The following PODNL1 variants were observed in gnomAD, a reference collection of about 807,000 sequenced individuals.
PODNL1 encodes podocan-like protein 1.
PODNL1 carries 50 observed loss-of-function variants against 45.1 expected under a neutral mutation model. The ratio of observed to expected loss-of-function variants is 1.11; its 90% CI spans 0.88 to 1.40. The LOEUF is 1.40. Among genes scored for constraint, PODNL1 ranks in the 40% most tolerant of loss-of-function variants. The probability of loss-of-function intolerance (pLI) is 0.00; values close to 1 mark genes in which losing one functional copy is unlikely to be tolerated. For missense variants in PODNL1, 788 were observed against 793.3 expected (o/e 0.99, Z 0.08); for synonymous variants, 406 against 372.5 (o/e 1.09, Z -1.04).
At chr19:13,935,542 G>T (rs1803156568) in intron 5 of PODNL1, among the ~76,000 whole-genome samples, 179 bp downstream of exon 5, 1 of 152,086 alleles carries the variant, frequency 6.6e-6, no homozygotes, top group Admixed American at 6.6e-5. Context: ...GGCCAGGCTG[G>T]TCTCGAACTC....
chr19:13,951,355 GC>G (rs1421308174), intron 1 of PODNL1, among the ~76,000 whole-genome samples: 1 of 152,096 alleles, frequency 6.6e-6, no homozygotes, highest in African/African-American at 2.4e-5. Flanking sequence ...AAATGGGCTG[GC>G]CAGGGGTGGG....
chr19:13,944,459 G>C (rs1253356495), intron 1 of PODNL1, among the ~76,000 whole-genome samples: 2 of 148,626 alleles, frequency 1.3e-5, no homozygotes, highest in Admixed American at 6.7e-5. Context: ...CACCACACCT[G>C]GCCCTATTTG....
intron 4 of PODNL1, 74 bp downstream of exon 4, chr19:13,935,906 C>T: frequency 6.5e-7 from 1 of 1,543,076 alleles, no homozygotes; most frequent in Admixed American, 2.0e-5. Flanking sequence ...GAGCTGTCCC[C>T]TCCACACCCT....
At position 13,931,981 on chromosome 19, in the gene PODNL1, C is replaced by T. The variant is rs1032109626; in HGVS notation, c.1557G>A (p.Leu519=). Residue 519 remains leucine (L), a synonymous_variant, in exon 9 of 10, where the codon CTG becomes CTA. Coordinates refer to ENST00000588872, the MANE Select transcript of PODNL1 (RefSeq NM_001370095.3). ...GPEAFLSTPR[L]RALFLRANRL... ...CGGGGCACCTGAGGAAGAGGGCACG[C>T]AGGCGGGGTGTGCTGAGGAAGGCCT... is the stretch of plus-strand genomic sequence containing the variant. 1.6e-6 allele frequency: 2 copies of T among 1,232,358 alleles called. No individual in the cohort carries two copies. Among genetic ancestry groups the T allele is most frequent in the Non-Finnish European group, 2.0e-6 (2 of 988,110 alleles). 76.3% of individuals were successfully genotyped at this position (1,232,358 alleles called of 1,614,324 possible). A position where few individuals can be genotyped will look rare whatever the true frequency, so the allele number is the denominator to read the frequency against.
chr19:13,936,647 C>A (rs1972376752), intron 2 of PODNL1, among the ~76,000 whole-genome samples, 187 bp from the exon 3 acceptor site: 1 of 148,706 alleles, frequency 6.7e-6, no homozygotes, highest in South Asian at 2.2e-4. Flanking sequence ...CAAACCCCCA[C>A]AATCGACCCC....
At position 13,933,945 on chromosome 19, in the gene PODNL1, G is replaced by T. The variant is rs370415275; in HGVS notation, c.700C>A (p.Gln234Lys). Residue 234 changes from glutamine (Q) to lysine (K), a missense_variant, in exon 7 of 10, where the codon CAA becomes AAA. This residue lies in a region of PODNL1 where 762 missense variants were observed against 750.9 expected (regional missense o/e 1.01). Coordinates refer to ENST00000588872, the MANE Select transcript of PODNL1 (RefSeq NM_001370095.3). The surrounding 1 kb of genome is among the most constrained non-coding windows in gnomAD (Gnocchi z 5.2). ...VPRGALSRQT[Q>K]LRELYLQHNQ... The stretch of plus-strand genomic sequence containing the variant: ...TGCTGGAGGTAGAGCTCACGGAGTT[G>T]AGTCTGGCGGCTCAGGGCTCCTCGG... The T allele has an allele frequency of 2.5e-6, 4 of 1,612,540 alleles. No homozygotes were observed. In the African/African-American group the frequency reaches 4.0e-5, roughly 16 times the overall value.
At position 13,932,859 on chromosome 19, in the gene PODNL1, T is replaced by C. The variant is rs778288059; in HGVS notation, c.1364A>G (p.His455Arg). ...LDQLRELSLA[H>R]NRLRVGDIGP... ...GATGTCGCCGACCCGGAGCCGGTTGTGCGCCAGGCTGAGCTCCCGCAGTTG... is the reference window on the plus strand; with the variant it reads ...GATGTCGCCGACCCGGAGCCGGTTGCGCGCCAGGCTGAGCTCCCGCAGTTG... The change falls in exon 8 of 10, where the codon CAC becomes CGC. Residue 455 changes from histidine to arginine, a missense_variant. His to Arg is a conservative substitution (Grantham distance 29). Around this residue, in one of 3 missense-constraint regions of PODNL1, gnomAD observed 762 missense variants for 750.9 expected, o/e 1.01. Transcript: ENST00000588872. 3 of 1,611,236 alleles carry C rather than the reference T, an allele frequency of 1.9e-6. No individual in the cohort carries two copies. The highest frequency in any genetic ancestry group is 2.5e-6 in the Non-Finnish European group (3 of 1,179,290).
chr19:13,933,650 T>C lies in PODNL1; in HGVS notation c.768-195A>G, dbSNP rs886676755. 6.6e-6 allele frequency among the ~76,000 whole-genome samples: 1 copy of C among 151,914 alleles called. No individual in the cohort carries two copies. The highest frequency in any genetic ancestry group is 1.5e-5 in the Non-Finnish European group (1 of 67,996). ...CAGATTCCAGCCTGAGAGTTAGCTA[T>C]GGGGGTGACCAGGGTAGAGCCGAGA... On this transcript the variant is annotated intron_variant, in intron 7 of 9. Coordinates refer to ENST00000588872, the MANE Select transcript of PODNL1 (RefSeq NM_001370095.3). This position sits in a 1 kb window ranked among gnomAD's most constrained non-coding sequence, Gnocchi z 5.2.
chr19:13,934,372 C>T lies in PODNL1; in HGVS notation c.533G>A (p.Gly178Asp). The T allele has an allele frequency of 6.4e-7, 1 of 1,552,824 alleles. No individual in the cohort carries two copies. Among genetic ancestry groups the T allele is most frequent in the South Asian group, 1.2e-5 (1 of 82,086 alleles). ...GCCGCGGAAGGCGTCGGGGGGCAGG[C>T]CAGCGTTGCTCAGCTGGTTGTTGTG... ...YLHNNQLSNAGLPPDAFRGSE... is the reference protein window; with the variant it reads ...YLHNNQLSNADLPPDAFRGSE... Residue 178 changes from glycine to aspartate, a missense_variant, in exon 6 of 10, where the codon GGC (glycine) becomes GAC (aspartate). By Grantham distance (94) the Gly-to-Asp change is moderately conservative (BLOSUM62 -1). This residue lies in a region of PODNL1 where 762 missense variants were observed against 750.9 expected (regional missense o/e 1.01). Transcript: ENST00000588872.
chr19:13,952,848 G>C (rs1447318566), intron 1 of PODNL1, among the ~76,000 whole-genome samples: 1 of 145,832 alleles, frequency 6.9e-6, no homozygotes, highest in Non-Finnish European at 1.5e-5. Context: ...AGGTGGTTGT[G>C]TCGGGTGACC....
Position 13,934,392 on chromosome 19 carries a change from G to T in PODNL1, c.513C>A (p.Asn171Lys). Residue 171 changes from asparagine to lysine, a missense_variant, in exon 6 of 10, where the codon AAC becomes AAA. Around this residue, in one of 3 missense-constraint regions of PODNL1, gnomAD observed 762 missense variants for 750.9 expected, o/e 1.01. Coordinates refer to ENST00000588872, the MANE Select transcript of PODNL1 (RefSeq NM_001370095.3). Reference protein sequence around the residue: ...KPALRSVYLHNNQLSNAGLPP... With the variant: ...KPALRSVYLHKNQLSNAGLPP... ...GCAGGCCAGCGTTGCTCAGCTGGTT[G>T]TTGTGGAGGTACACGGACCTGAGGA... 6.5e-7 allele frequency: 1 copy of T among 1,544,668 alleles called. No homozygotes were observed. The highest frequency in any genetic ancestry group is 1.2e-5 in the South Asian group (1 of 81,456).
rs552493557 is a variant in PODNL1, at chr19:13,934,530, C to T, written c.495-120G>A. The stretch of plus-strand genomic sequence containing the variant: ...GTGTGTGTGTGTGTGTGTGTGTGCG[C>T]GCGCATGTGTGGAGTCTGTGTGGGA... On this transcript the variant is annotated intron_variant, in intron 5 of 9. Coordinates refer to ENST00000588872, the MANE Select transcript of PODNL1 (RefSeq NM_001370095.3). 5.1e-3 allele frequency: 4,287 copies of T among 842,098 alleles called. 15 individuals carry two copies. Among genetic ancestry groups the T allele is most frequent in the Non-Finnish European group, 6.4e-3 (3,756 of 590,580 alleles). The allele number at this position is 842,098 out of a possible 1,614,324, so 52.2% of individuals were successfully genotyped here. A position where few individuals can be genotyped will look rare whatever the true frequency, so the allele number is the denominator to read the frequency against.
chr19:13,936,138 G>A, intron 3 of PODNL1, 94 bp from the exon 4 acceptor site: 4 of 1,195,274 alleles, frequency 3.3e-6, no homozygotes, highest in Non-Finnish European at 4.8e-6. Context: ...CTCGGCCGGG[G>A]AACTGGCAGA....
At chr19:13,948,286 T>C (rs1294328410) in intron 1 of PODNL1, among the ~76,000 whole-genome samples, 1 of 151,046 alleles carries the variant, frequency 6.6e-6, no homozygotes, top group South Asian at 2.1e-4. Flanking sequence ...GCAAGCTCTC[T>C]GCCTCCCAGG....
chr19:13,950,489 C>A (rs1227110480), intron 1 of PODNL1, among the ~76,000 whole-genome samples: 1 of 152,136 alleles, frequency 6.6e-6, no homozygotes, highest in African/African-American at 2.4e-5. Flanking sequence ...ATTTTGAGAA[C>A]CTTCTTCAAT....
upstream of PODNL1, among the ~76,000 whole-genome samples, chr19:13,938,628 G>A (rs1477769424): frequency 6.6e-6 from 1 of 152,268 alleles, no homozygotes; most frequent in African/African-American, 2.4e-5. Context: ...GCGGGCAGCA[G>A]CGAGGGATTA....
At chr19:13,951,927 G>A (rs1276110016) in intron 1 of PODNL1, among the ~76,000 whole-genome samples, 1 of 152,206 alleles carries the variant, frequency 6.6e-6, no homozygotes, top group Non-Finnish European at 1.5e-5. Context: ...CATGTGGAGC[G>A]ATCCATGATT....
chr19:13,937,591 C>T (rs1243673750), intron 2 of PODNL1, among the ~76,000 whole-genome samples, 194 bp downstream of exon 2: 2 of 152,070 alleles, frequency 1.3e-5, no homozygotes, highest in Non-Finnish European at 2.9e-5. Flanking sequence ...AGCATGTCCA[C>T]GCTCACCCCT....
intron 1 of PODNL1, among the ~76,000 whole-genome samples, chr19:13,945,432 A>G (rs183973083): frequency 4.6e-5 from 7 of 151,932 alleles, no homozygotes; most frequent in African/African-American, 1.7e-4. Context: ...AGGTGGAAGG[A>G]TTGCATGAGC....
Sources: gnomAD v4.1 joint callset for allele counts (sites outside exome capture counted in the v4.1 genomes callset) on GRCh38, gnomAD v4.1.1 for gene constraint, gnomAD v4.1.1 regional missense constraint, Gnocchi (gnomAD v3.1) non-coding constraint, MANE v1.5 for transcripts, NCBI Gene and HGNC (gene_info 2026-07-23, HGNC 2026-07-21) for gene names.